Variants in LRRC9 observed in about 807,000 individuals in gnomAD.
The protein encoded by LRRC9 is leucine-rich repeat-containing protein 9.
LRRC9 carries 122 observed loss-of-function variants against 63.2 expected under a neutral mutation model. The ratio of observed to expected loss-of-function variants is 1.93; its 90% CI spans 1.67 to 2.24. The LOEUF (loss-of-function observed/expected upper bound fraction) is 2.24, where lower values mean the gene tolerates loss of function less well. LRRC9 is among the 30% of genes most tolerant of loss of function. LRRC9 has a pLI of 0.00. For missense variants in LRRC9, 1,071 were observed against 627.7 expected (o/e 1.71, Z -7.55); for synonymous variants, 366 against 213.1 (o/e 1.72, Z -6.25).
In LRRC9 at chr14:59,986,186, C is replaced by A. The variant is rs931195016; in HGVS notation, c.2211+962C>A. Among the ~76,000 whole-genome samples, 6 of 152,172 alleles carry A rather than the reference C, an allele frequency of 3.9e-5. No individual in the cohort carries two copies. Among genetic ancestry groups the A allele is most frequent in the African/African-American group, 1.4e-4 (6 of 41,442 alleles). Reference sequence around the variant, plus strand: ...ACAGGAATGCACATGTACACATAGGCATGGATATTGTCTGGCTTTTATTTT... The same window carrying A: ...ACAGGAATGCACATGTACACATAGGAATGGATATTGTCTGGCTTTTATTTT... On this transcript the variant is annotated intron_variant, in intron 17 of 31. Coordinates refer to ENST00000445360, the Ensembl canonical transcript of LRRC9. The surrounding 1 kb of genome is among the most constrained non-coding windows in gnomAD (Gnocchi z 4.7).
intron 13 of LRRC9, 137 bp downstream of exon 13, chr14:59,974,845 G>A (rs1461352086): frequency 2.2e-6 from 1 of 455,912 alleles, no homozygotes; most frequent in Non-Finnish European, 3.8e-6. Context: ...ATATTTACCA[G>A]TGTAGTAATA....
chr14:59,945,286 A>T (rs1741722059), intron 8 of LRRC9, among the ~76,000 whole-genome samples: 1 of 151,978 alleles, frequency 6.6e-6, no homozygotes, highest in African/African-American at 2.4e-5. Context: ...GACCCTGAAA[A>T]AGTAAGCATT....
rs1889584070 is a variant in LRRC9, at chr14:59,930,252, AT to A, written c.268-664del. 6.6e-6 allele frequency among the ~76,000 whole-genome samples: 1 copy of A among 152,026 alleles called. No individual in the cohort carries two copies. Among genetic ancestry groups the A allele is most frequent in the African/African-American group, 2.4e-5 (1 of 41,430 alleles). On this transcript the variant is annotated intron_variant, in intron 3 of 31. Transcript: ENST00000445360. This position sits in a 1 kb window ranked among gnomAD's most constrained non-coding sequence, Gnocchi z 4.9. The stretch of plus-strand genomic sequence containing the variant: ...TATAACATCTATTTTGAAAAGAAAT[AT>A]TGCAAAACATCAAGAGCCATCACAG...
exon 17 of LRRC9, chr14:59,985,185 C>T: frequency 1.4e-6 from 1 of 691,520 alleles, no homozygotes; most frequent in Non-Finnish European, 2.6e-6. Context: ...TAAACATTAG[C>T]TTTAATGAAT....
intron 1 of LRRC9, among the ~76,000 whole-genome samples, chr14:59,924,461 AGCAGGGAAG>A (rs978149930): frequency 2.6e-5 from 4 of 152,164 alleles, no homozygotes; most frequent in Non-Finnish European, 5.9e-5. Context: ...GCCAATGGGA[AGCAGGGAAG>A]GAATGCGCGG....
chr14:60,028,536 C>G lies in LRRC9; in HGVS notation c.3921+435C>G, dbSNP rs534964202. ...CTTGGCTTAATATTTTATCTCTCCC[C>G]ACTCAAGGCTTCCTTAGATAGGATC... is the stretch of plus-strand genomic sequence containing the variant. On this transcript the variant is annotated intron_variant, in intron 28 of 31. Transcript: ENST00000445360. Among the ~76,000 whole-genome samples, 32 of 152,204 alleles carry G rather than the reference C, an allele frequency of 2.1e-4. No individual in the cohort carries two copies. The South Asian group carries it at 4.1e-3, about 20-fold the overall frequency.
chr14:59,970,334 T>A (rs1393981387), intron 12 of LRRC9, among the ~76,000 whole-genome samples: 1 of 152,088 alleles, frequency 6.6e-6, no homozygotes, highest in African/African-American at 2.4e-5. Flanking sequence ...CTTTATCCAG[T>A]CTAAGCATGT....
Position 59,944,759 on chromosome 14 carries a change from T to C in LRRC9, c.882+15T>C, listed in dbSNP as rs1310958883. The C allele has an allele frequency of 3.1e-6, 2 of 648,698 alleles. No homozygotes were observed. The highest frequency in any genetic ancestry group is 3.5e-5 in the South Asian group (2 of 56,462). 40.2% of individuals were successfully genotyped at this position (648,698 alleles called of 1,614,324 possible). On this transcript the variant is annotated intron_variant, in intron 8 of 31. Transcript: ENST00000445360. ...TGAAGAAAACTGTAAGATTTAATAA[T>C]GTAAAATCCCAGTGGCCATACCTTA...
chr14:59,931,023 C>T (rs1889658416), exon 4 of LRRC9: 1 of 425,362 alleles, frequency 2.4e-6, no homozygotes, highest in South Asian at 3.5e-5. Context: ...ATTGAAGGTT[C>T]TTTGGCTGAA....
chr14:60,052,061 C>G (rs1352178046), intron 29 of LRRC9, among the ~76,000 whole-genome samples: 1 of 152,290 alleles, frequency 6.6e-6, no homozygotes, highest in African/African-American at 2.4e-5. Flanking sequence ...GTGCTGAGTT[C>G]ACTCACTGCT....
At chr14:59,945,080 A>T (rs188842954) in intron 8 of LRRC9, among the ~76,000 whole-genome samples, 205 of 151,884 alleles carry the variant, frequency 1.3e-3, no homozygotes, top group African/African-American at 4.5e-3. Context: ...TATTAGACTT[A>T]TTCAGCTGTG....
At chr14:59,952,696 T>A (rs1005271046) in intron 8 of LRRC9, among the ~76,000 whole-genome samples, 14 of 152,206 alleles carry the variant, frequency 9.2e-5, no homozygotes, top group African/African-American at 3.4e-4. Flanking sequence ...AACATGCAGG[T>A]TTGTTACATA....
chr14:59,931,358 C>T (rs1263555713), intron 4 of LRRC9, among the ~76,000 whole-genome samples: 1 of 152,014 alleles, frequency 6.6e-6, no homozygotes, highest in Non-Finnish European at 1.5e-5. Context: ...TATAAATATA[C>T]TCTGTGTGAT....
At chr14:60,038,855 G>C (rs1892684634) in intron 29 of LRRC9, among the ~76,000 whole-genome samples, 1 of 152,176 alleles carries the variant, frequency 6.6e-6, no homozygotes, top group Non-Finnish European at 1.5e-5. Context: ...AGTTTTCAAA[G>C]GGAATGCTTC....
rs907357524 is a variant in LRRC9 at position 60,042,310 on chromosome 14, T to C, written c.3990+10247T>C. On this transcript the variant is annotated intron_variant, in intron 29 of 31. Transcript: ENST00000445360. This position sits in a 1 kb window ranked among gnomAD's most constrained non-coding sequence, Gnocchi z 4.2. ...AGGGACGTTTAAGTCTGCAGAAGTTTCTGCTGCCTGTTGTTCAGCTATGCC... is the reference window on the plus strand; with the variant it reads ...AGGGACGTTTAAGTCTGCAGAAGTTCCTGCTGCCTGTTGTTCAGCTATGCC... Among the ~76,000 whole-genome samples, 1 of 152,216 alleles carries C rather than the reference T, an allele frequency of 6.6e-6. No homozygotes were observed. Among genetic ancestry groups the C allele is most frequent in the African/African-American group, 2.4e-5 (1 of 41,454 alleles).
intron 8 of LRRC9, among the ~76,000 whole-genome samples, chr14:59,946,108 C>G (rs1882350223): frequency 6.6e-6 from 1 of 151,084 alleles, no homozygotes; most frequent in Admixed American, 6.6e-5. Context: ...TATCATTGCA[C>G]TATTAATAAT....
At chr14:59,988,947 T>G (rs963252855) in intron 17 of LRRC9, among the ~76,000 whole-genome samples, 24 of 152,268 alleles carry the variant, frequency 1.6e-4, no homozygotes, top group East Asian at 1.2e-3. Flanking sequence ...TTTATTTTTC[T>G]GGGGCATCTT....
chr14:60,019,805 CCTT>C (rs1890978287), intron 26 of LRRC9, among the ~76,000 whole-genome samples: 1 of 151,058 alleles, frequency 6.6e-6, no homozygotes, highest in Non-Finnish European at 1.5e-5. Flanking sequence ...TGACAACAAA[CCTT>C]CTACCTCCTT....
chr14:59,921,856 C>T (rs574743461), intron 1 of LRRC9, among the ~76,000 whole-genome samples: 4 of 151,160 alleles, frequency 2.6e-5, no homozygotes, highest in South Asian at 4.2e-4. Context: ...GAAGCCGAGG[C>T]GGGTGGATCA....
Sources: gnomAD v4.1 joint callset for allele counts (sites outside exome capture counted in the v4.1 genomes callset) on GRCh38, gnomAD v4.1.1 for gene constraint, Gnocchi (gnomAD v3.1) non-coding constraint, MANE v1.5 for transcripts, NCBI Gene and HGNC (gene_info 2026-07-23, HGNC 2026-07-21) for gene names.